The following ALKBH5 variants were observed in gnomAD, a reference collection of about 807,000 sequenced individuals.
The protein encoded by ALKBH5 is alkB homolog 5, RNA demethylase.
In ALKBH5, 2 loss-of-function variants were observed where a neutral mutation model predicts 32.1. That is an observed-to-expected ratio of 0.06 (90% confidence interval 0.03 to 0.20). The LOEUF is 0.20. ALKBH5 is among the 10% of genes least tolerant of loss of function. The pLI, the probability that ALKBH5 is intolerant of heterozygous loss-of-function variation, is 1.00. For synonymous variants in ALKBH5, 300 were observed against 231.7 expected (o/e 1.29, Z -2.68); for missense variants, 352 against 559.5 (o/e 0.63, Z 3.74).
In ALKBH5 at chr17:18,206,909, A is replaced by G; in HGVS notation, c.946A>G (p.Arg316Gly). 6.2e-7 allele frequency: 1 copy of G among 1,614,270 alleles called. No homozygotes were observed. Among genetic ancestry groups the G allele is most frequent in the Non-Finnish European group, 8.5e-7 (1 of 1,180,050 alleles). Residue 316 changes from arginine to glycine, a missense_variant, in exon 3 of 4, where the codon AGG (arginine) becomes GGG (glycine). Physicochemically the swap from Arg to Gly is moderately radical, Grantham distance 125. This residue lies in a region of ALKBH5 where 124 missense variants were observed against 142.4 expected (regional missense o/e 0.87). Coordinates refer to ENST00000399138, the MANE Select transcript of ALKBH5 (RefSeq NM_017758.4). Reference protein sequence around the residue: ...YASDRLSGNNRDPALKPKRSH... With the variant: ...YASDRLSGNNGDPALKPKRSH... The stretch of plus-strand genomic sequence containing the variant: ...TTCAGATCGCCTGTCAGGAAACAAC[A>G]GGGACCCTGCTCTGAAACCCAAGCG...
Position 18,206,806 on chromosome 17 carries a change from C to A in ALKBH5, c.852-9C>A, listed in dbSNP as rs990577109. On this transcript the variant is annotated splice_polypyrimidine_tract_variant and intron_variant, in intron 2 of 3. Transcript: ENST00000399138. ...CCCTTTGGTGACCCCATGCATGTTT[C>A]CTTTGCAGGACAAGATTAGATGCAC... 1 of 1,613,612 alleles carries A rather than the reference C, an allele frequency of 6.2e-7. No homozygotes were observed. The highest frequency in any genetic ancestry group is 8.5e-7 in the Non-Finnish European group (1 of 1,179,664).
intron 2 of ALKBH5, among the ~76,000 whole-genome samples, chr17:18,199,292 T>TGGGTTACC (rs2047222517): frequency 6.6e-6 from 1 of 152,234 alleles, no homozygotes. Context: ...TAATCGTTGG[T>TGGGTTACC]AACCCTGGAA....
At chr17:18,194,341 A>G (rs2142476645) in intron 1 of ALKBH5, among the ~76,000 whole-genome samples, 1 of 152,082 alleles carries the variant, frequency 6.6e-6, no homozygotes, top group Non-Finnish European at 1.5e-5. Context: ...TTTAGTAGAG[A>G]TGGGGTTTCG....
chr17:18,194,862 A>T (rs1261574937), intron 1 of ALKBH5, 93 bp from the exon 2 acceptor site: 71 of 1,012,016 alleles, frequency 7.0e-5, no homozygotes, highest in Non-Finnish European at 3.0e-6. Flanking sequence ...AGCAGCCGTA[A>T]GACCTAGGCC....
At position 18,209,921 on chromosome 17, in the gene ALKBH5, C is replaced by T. The variant is rs1227470383; in HGVS notation, c.*1525C>T. On this transcript the variant is annotated 3_prime_UTR_variant, in exon 4 of 4. Transcript: ENST00000399138. ...AGCACTTCGCCCTGATATGTGTGCT[C>T]TACAATAAAAACCAAATCTAATATA... 6.6e-6 allele frequency: 1 copy of T among 152,638 alleles called. No homozygotes were observed. Among genetic ancestry groups the T allele is most frequent in the Non-Finnish European group, 1.5e-5 (1 of 68,036 alleles). 9.5% of individuals were successfully genotyped at this position (152,638 alleles called of 1,614,324 possible). A position where few individuals can be genotyped will look rare whatever the true frequency, so the allele number is the denominator to read the frequency against.
chr17:18,209,835 C>T lies in ALKBH5; in HGVS notation c.*1439C>T, dbSNP rs1257108882. ...TCAAGTCGGGACTGCATAATTAAAG[C>T]AGTTGCAGTTTTATTTTTTTTACAG... On this transcript the variant is annotated 3_prime_UTR_variant, in exon 4 of 4. Transcript: ENST00000399138. The T allele has an allele frequency of 6.6e-6, 1 of 152,648 alleles. No individual in the cohort carries two copies. Among genetic ancestry groups the T allele is most frequent in the Non-Finnish European group, 1.5e-5 (1 of 68,040 alleles). 9.5% of individuals were successfully genotyped at this position (152,648 alleles called of 1,614,324 possible).
At chr17:18,201,907 C>T (rs1415381617) in intron 2 of ALKBH5, among the ~76,000 whole-genome samples, 1 of 151,964 alleles carries the variant, frequency 6.6e-6, no homozygotes, top group East Asian at 1.9e-4. Flanking sequence ...CCGAGCTACT[C>T]GCGAGCCTGA....
In ALKBH5 at chr17:18,209,765, G is replaced by T. The variant is rs967254604; in HGVS notation, c.*1369G>T. ...AGAAATCTGGGGCAGCCACCATCAAGAAGCCCCTCTCAGGGGCCAGAACTC... is the reference window on the plus strand; with the variant it reads ...AGAAATCTGGGGCAGCCACCATCAATAAGCCCCTCTCAGGGGCCAGAACTC... On this transcript the variant is annotated 3_prime_UTR_variant, in exon 4 of 4. Transcript: ENST00000399138. The T allele has an allele frequency of 6.6e-6, 1 of 152,612 alleles. No homozygotes were observed. The highest frequency in any genetic ancestry group is 1.5e-5 in the Non-Finnish European group (1 of 68,038). The allele number at this position is 152,612 out of a possible 1,614,324, so 9.5% of individuals were successfully genotyped here. A position where few individuals can be genotyped will look rare whatever the true frequency, so the allele number is the denominator to read the frequency against.
At chr17:18,204,939 T>G (rs1159500193) in intron 2 of ALKBH5, among the ~76,000 whole-genome samples, 1 of 151,688 alleles carries the variant, frequency 6.6e-6, no homozygotes, top group Non-Finnish European at 1.5e-5. Context: ...AGTCCTAGCT[T>G]CTTGGGAGGC....
intron 2 of ALKBH5, among the ~76,000 whole-genome samples, chr17:18,201,794 A>AGGATAGATAAGATAGATAGATAGAT (rs1491101824): frequency 2.2e-5 from 3 of 134,416 alleles, no homozygotes; most frequent in East Asian, 2.4e-4. Flanking sequence ...TAGGATAGAT[A>AGGATAGATAAGATAGATAGATAGAT]AGATAGATAG....
At chr17:18,200,847 G>C (rs143789720) in intron 2 of ALKBH5, among the ~76,000 whole-genome samples, 52 of 152,338 alleles carry the variant, frequency 3.4e-4, no homozygotes, top group Admixed American at 8.5e-4. Flanking sequence ...ATAAGGAGTG[G>C]AGGACTTGAT....
chr17:18,203,499 C>G (rs75534630), intron 2 of ALKBH5, among the ~76,000 whole-genome samples: 1 of 152,184 alleles, frequency 6.6e-6, no homozygotes, highest in South Asian at 2.1e-4. Context: ...CTCACATGCC[C>G]GAGGTCACAT....
At chr17:18,185,273 T>C (rs2047131240) in intron 1 of ALKBH5, among the ~76,000 whole-genome samples, 1 of 152,136 alleles carries the variant, frequency 6.6e-6, no homozygotes, top group African/African-American at 2.4e-5. Context: ...TCGAAAGCCA[T>C]CTTTTCAGAA....
At position 18,183,887 on chromosome 17, in the gene ALKBH5, C is replaced by G; in HGVS notation, c.-357C>G. The G allele has an allele frequency of 2.4e-6, 1 of 423,182 alleles. No individual in the cohort carries two copies. The highest frequency in any genetic ancestry group is 4.5e-6 in the Non-Finnish European group (1 of 223,692). 26.2% of individuals were successfully genotyped at this position (423,182 alleles called of 1,614,324 possible). The stretch of plus-strand genomic sequence containing the variant: ...CGGGCTGGCTGCCCGTGACGTCGTG[C>G]GGAGAGCTTTAAAGTGCGGGCCGGG... On this transcript the variant is annotated 5_prime_UTR_variant, in exon 1 of 4. Coordinates refer to ENST00000399138, the MANE Select transcript of ALKBH5 (RefSeq NM_017758.4).
In ALKBH5 at chr17:18,184,460, G is replaced by A; in HGVS notation, c.217G>A (p.Glu73Lys). Residue 73 changes from glutamate (E) to lysine (K), a missense_variant, in exon 1 of 4, where the codon GAG becomes AAG. By Grantham distance (56) the Glu-to-Lys change is moderately conservative. Around this residue, in one of 4 missense-constraint regions of ALKBH5, gnomAD observed 144 missense variants for 125.8 expected, o/e 1.14. Coordinates refer to ENST00000399138, the MANE Select transcript of ALKBH5 (RefSeq NM_017758.4). ...DSDPERSDYE[E>K]QQLQKEEEAR... The stretch of plus-strand genomic sequence containing the variant: ...GGACCCCGAGCGCAGCGACTATGAG[G>A]AGCAGCAGCTGCAGAAGGAGGAGGA... The A allele has an allele frequency of 6.2e-7, 1 of 1,611,846 alleles. No homozygotes were observed. The highest frequency in any genetic ancestry group is 8.5e-7 in the Non-Finnish European group (1 of 1,179,342).
intron 2 of ALKBH5, among the ~76,000 whole-genome samples, chr17:18,201,899 G>A (rs942048132): frequency 1.3e-5 from 2 of 152,046 alleles, no homozygotes; most frequent in Admixed American, 1.3e-4. Context: ...CCTATAGTCC[G>A]AGCTACTCGC....
At chr17:18,187,943 A>G (rs949121709) in intron 1 of ALKBH5, among the ~76,000 whole-genome samples, 4 of 152,174 alleles carry the variant, frequency 2.6e-5, no homozygotes, top group East Asian at 1.9e-4. Flanking sequence ...ACAATTTTAT[A>G]TTTAATAGTG....
In ALKBH5 at chr17:18,184,353, C is replaced by T; in HGVS notation, c.110C>T (p.Ala37Val). 2 of 1,518,194 alleles carry T rather than the reference C, an allele frequency of 1.3e-6. No individual in the cohort carries two copies. The highest frequency in any genetic ancestry group is 2.3e-5 in the Admixed American group (1 of 44,296). The allele number at this position is 1,518,194 out of a possible 1,614,324, so 94.0% of individuals were successfully genotyped here. ...GAGGCCGCCGCCGCTGCCGCAGCCG[C>T]CGTAGCCGCCGCAGCCGCAGCCGCC... ...SREAAAAAAA[A>V]VAAAAAAAAA... The change falls in exon 1 of 4, where the codon GCC becomes GTC. Residue 37 changes from alanine (A) to valine (V), a missense_variant. By Grantham distance (64) the Ala-to-Val change is moderately conservative. Coordinates refer to ENST00000399138, the MANE Select transcript of ALKBH5 (RefSeq NM_017758.4).
intron 2 of ALKBH5, among the ~76,000 whole-genome samples, chr17:18,206,177 A>T (rs1053847128): frequency 6.6e-6 from 1 of 152,120 alleles, no homozygotes; most frequent in Admixed American, 6.5e-5. Context: ...CTTGAAACCT[A>T]TGGCTACACC....
Sources: gnomAD v4.1 joint callset for allele counts (sites outside exome capture counted in the v4.1 genomes callset) on GRCh38, gnomAD v4.1.1 for gene constraint, gnomAD v4.1.1 regional missense constraint, MANE v1.5 for transcripts, NCBI Gene and HGNC (gene_info 2026-07-23, HGNC 2026-07-21) for gene names.